Variants in RIN2 observed in about 807,000 individuals in gnomAD.
RIN2 encodes the protein RAB5 interacting protein 2.
A neutral mutation model predicts 78.0 loss-of-function variants in RIN2; 36 were observed. The ratio of observed to expected loss-of-function variants is 0.46; its 90% CI spans 0.35 to 0.61. The LOEUF (loss-of-function observed/expected upper bound fraction) is 0.61, where lower values mean the gene tolerates loss of function less well. Among genes scored for constraint, RIN2 ranks in the 20% least tolerant of loss-of-function variants. The pLI, the probability that RIN2 is intolerant of heterozygous loss-of-function variation, is 0.00. For synonymous variants in RIN2, 466 were observed against 466.8 expected (o/e 1.00, Z 0.02); for missense variants, 1,087 against 1,159.7 (o/e 0.94, Z 0.91).
At chr20:19,846,538 G>A (rs2036789786) in intron 2 of RIN2, among the ~76,000 whole-genome samples, 1 of 152,100 alleles carries the variant, frequency 6.6e-6, no homozygotes, top group Admixed American at 6.6e-5. Context: ...TTGGTGTATA[G>A]GAATGTGTGT....
chr20:19,906,857 G>T (rs1021741706), intron 3 of RIN2, among the ~76,000 whole-genome samples: 1 of 152,224 alleles, frequency 6.6e-6, no homozygotes, highest in African/African-American at 2.4e-5. Context: ...GGCCACTGGA[G>T]TATGACCTCT....
intron 7 of RIN2, among the ~76,000 whole-genome samples, chr20:19,965,876 T>G (rs1163713070): frequency 1.3e-5 from 2 of 152,212 alleles, no homozygotes; most frequent in Non-Finnish European, 2.9e-5. Context: ...CCTCCCAAAG[T>G]GCTGGGATCA....
intron 10 of RIN2, among the ~76,000 whole-genome samples, chr20:19,991,543 A>G (rs1377495642): frequency 6.6e-6 from 1 of 152,224 alleles, no homozygotes; most frequent in Non-Finnish European, 1.5e-5. Flanking sequence ...AGACAGTGCC[A>G]AATGTCCCCT....
chr20:19,794,550 A>C (rs2078707039), intron 1 of RIN2, among the ~76,000 whole-genome samples: 1 of 151,808 alleles, frequency 6.6e-6, no homozygotes, highest in South Asian at 2.1e-4. Flanking sequence ...AAAAAAAAAA[A>C]AAAAAAGATA....
At chr20:19,909,607 C>A (rs1212095682) in intron 3 of RIN2, among the ~76,000 whole-genome samples, 2 of 152,166 alleles carry the variant, frequency 1.3e-5, no homozygotes, top group Non-Finnish European at 2.9e-5. Flanking sequence ...GCAGTTGTGC[C>A]CACTATTGTG....
intron 2 of RIN2, among the ~76,000 whole-genome samples, chr20:19,857,851 C>T (rs186580923): frequency 6.4e-4 from 98 of 152,206 alleles, no homozygotes; most frequent in African/African-American, 2.1e-3. Flanking sequence ...TTTGGATTTT[C>T]CTGATGAGTA....
At position 20,001,362 on chromosome 20, in the gene RIN2, CTTTTT is replaced by C. The variant is rs57852545; in HGVS notation, c.*448_*452del. 765 of 94,254 alleles carry C rather than the reference CTTTTT, an allele frequency of 8.1e-3. 8 individuals carry two copies. Among genetic ancestry groups the C allele is most frequent in the African/African-American group, 0.03 (726 of 23,922 alleles). The allele number at this position is 94,254 out of a possible 1,614,324, so 5.8% of individuals were successfully genotyped here. ...CCCTGCCTTCCTTCCTTTCTTTTTCCTTTTTTTTTTTTTTTTTTTTTTTTTTACAA... is the reference window on the plus strand; with the variant it reads ...CCCTGCCTTCCTTCCTTTCTTTTTCCTTTTTTTTTTTTTTTTTTTTTACAA... On this transcript the variant is annotated 3_prime_UTR_variant, in exon 13 of 13. Coordinates refer to ENST00000255006, the MANE Select transcript of RIN2 (RefSeq NM_018993.4).
intron 11 of RIN2, among the ~76,000 whole-genome samples, chr20:19,994,026 C>T (rs1442437490): frequency 6.6e-6 from 1 of 152,226 alleles, no homozygotes; most frequent in African/African-American, 2.4e-5. Flanking sequence ...ACTTCCTGCC[C>T]CTTTCCCAGA....
At chr20:19,878,395 G>A (rs963240225) in intron 2 of RIN2, among the ~76,000 whole-genome samples, 2 of 152,158 alleles carry the variant, frequency 1.3e-5, no homozygotes, top group Non-Finnish European at 2.9e-5. Flanking sequence ...TGGACATGAA[G>A]GATGGGGTAT....
intron 8 of RIN2, among the ~76,000 whole-genome samples, chr20:19,972,317 G>A (rs1423762141): frequency 6.6e-6 from 1 of 152,086 alleles, no homozygotes; most frequent in Non-Finnish European, 1.5e-5. Flanking sequence ...CCCGACCTCT[G>A]TCCACATAGC....
chr20:19,845,577 T>G (rs1356831384), intron 2 of RIN2, among the ~76,000 whole-genome samples: 1 of 148,470 alleles, frequency 6.7e-6, no homozygotes, highest in East Asian at 2.0e-4. Context: ...CTTTTTGATT[T>G]TTTTTTTTTT....
chr20:19,937,356 G>A (rs1342544133), intron 4 of RIN2, among the ~76,000 whole-genome samples: 2 of 152,162 alleles, frequency 1.3e-5, no homozygotes, highest in Non-Finnish European at 2.9e-5. Flanking sequence ...AGCACCGCCC[G>A]GGCCCCTGGC....
intron 1 of RIN2, among the ~76,000 whole-genome samples, chr20:19,779,464 A>C: frequency 6.6e-6 from 1 of 152,192 alleles, no homozygotes; most frequent in East Asian, 1.9e-4. Context: ...GGCACGGGTC[A>C]CTAGAACTGT....
intron 8 of RIN2, among the ~76,000 whole-genome samples, chr20:19,973,783 C>T (rs974823403): frequency 1.3e-5 from 2 of 151,536 alleles, no homozygotes; most frequent in African/African-American, 2.4e-5. Flanking sequence ...AGCAAGACTC[C>T]GTCTCAAGGG....
At chr20:19,973,332 G>A (rs1242122172) in intron 8 of RIN2, among the ~76,000 whole-genome samples, 2 of 152,144 alleles carry the variant, frequency 1.3e-5, no homozygotes, top group Admixed American at 1.3e-4. Flanking sequence ...GAGAGAGAAG[G>A]AGGGATACAG....
chr20:19,905,057 C>T (rs1369611606), intron 3 of RIN2, among the ~76,000 whole-genome samples: 1 of 152,208 alleles, frequency 6.6e-6, no homozygotes, highest in Non-Finnish European at 1.5e-5. Flanking sequence ...CTCTTCCAGC[C>T]TGGTGGTCCT....
intron 1 of RIN2, among the ~76,000 whole-genome samples, chr20:19,772,696 G>A (rs2034174512): frequency 6.6e-6 from 1 of 152,190 alleles, no homozygotes; most frequent in African/African-American, 2.4e-5. Flanking sequence ...CCTCATCTCA[G>A]AACCCTGACC....
At chr20:19,898,549 T>C (rs1176675942) in intron 3 of RIN2, among the ~76,000 whole-genome samples, 1 of 152,240 alleles carries the variant, frequency 6.6e-6, no homozygotes, top group African/African-American at 2.4e-5. Flanking sequence ...AATGATGTAT[T>C]TGTAGTCAAC....
At chr20:19,853,730 GT>G (rs1223712551) in intron 2 of RIN2, among the ~76,000 whole-genome samples, 2 of 152,102 alleles carry the variant, frequency 1.3e-5, no homozygotes, top group African/African-American at 2.4e-5. Flanking sequence ...TGATGGGGTT[GT>G]TTTTTTCTTG....
Sources: allele counts gnomAD v4.1 joint callset (sites outside exome capture counted in the v4.1 genomes callset), GRCh38; gene constraint gnomAD v4.1.1; transcripts MANE v1.5; gene names NCBI Gene and HGNC (gene_info 2026-07-23, HGNC 2026-07-21).